Variants in ZNF578 observed in about 807,000 individuals in gnomAD.
The protein encoded by ZNF578 is zinc finger protein 578.
Under a neutral mutation model 8.3 loss-of-function variants are expected in ZNF578, and 8 were observed. The ratio of observed to expected loss-of-function variants is 0.96; its 90% CI spans 0.56 to 1.74. ZNF578 has a LOEUF of 1.74. Among genes scored for constraint, ZNF578 ranks in the 40% most tolerant of loss-of-function variants. ZNF578 has a pLI of 0.00. For missense variants in ZNF578, 726 were observed against 707.5 expected (o/e 1.03, Z -0.30); for synonymous variants, 206 against 232.2 (o/e 0.89, Z 1.03).
chr19:52,482,288 C>A (rs1421544717), intron 2 of ZNF578, among the ~76,000 whole-genome samples: 1 of 152,162 alleles, frequency 6.6e-6, no homozygotes, highest in Non-Finnish European at 1.5e-5. Context: ...CCCACCTGGG[C>A]CTCCCAAAGT....
intron 2 of ZNF578, among the ~76,000 whole-genome samples, chr19:52,486,143 A>C (rs2059344753): frequency 6.6e-6 from 1 of 152,228 alleles, no homozygotes; most frequent in African/African-American, 2.4e-5. Context: ...TGCGGGCAGC[A>C]ATACTGCTCT....
At chr19:52,497,831 T>A (rs897952) in intron 3 of ZNF578, among the ~76,000 whole-genome samples, 88 of 152,306 alleles carry the variant, frequency 5.8e-4, no homozygotes, top group African/African-American at 1.9e-3. Context: ...AAAAAATGGT[T>A]ATCTGTGAGC....
At chr19:52,456,308 C>T (rs906339705) in intron 1 of ZNF578, 1 of 152,164 alleles carries the variant, frequency 6.6e-6, no homozygotes, top group Non-Finnish European at 1.5e-5. Context: ...GGGCTTGCTC[C>T]CTCTGAGTTT....
chr19:52,465,281 C>T (rs576751122), intron 2 of ZNF578, among the ~76,000 whole-genome samples: 1 of 152,168 alleles, frequency 6.6e-6, no homozygotes, highest in Non-Finnish European at 1.5e-5. Context: ...CTCCCTCCCC[C>T]ACCACTCACT....
chr19:52,467,893 T>G (rs1046822340), intron 2 of ZNF578, among the ~76,000 whole-genome samples: 2 of 152,206 alleles, frequency 1.3e-5, no homozygotes, highest in African/African-American at 4.8e-5. Context: ...GTTGGAATCA[T>G]TTCATGTGAT....
At position 52,511,296 on chromosome 19, in the gene ZNF578, T is replaced by A. The variant is rs754339309; in HGVS notation, c.915T>A (p.His305Gln). 2 of 1,613,984 alleles carry A rather than the reference T, an allele frequency of 1.2e-6. No homozygotes were observed. Residue 305 changes from histidine to glutamine, a missense_variant, in exon 6 of 6, where the codon CAT becomes CAA. By Grantham distance (24) the His-to-Gln change is conservative (BLOSUM62 0). Coordinates refer to ENST00000421239, the MANE Select transcript of ZNF578 (RefSeq NM_001099694.2). The stretch of plus-strand genomic sequence containing the variant: ...GTTACAAGTCATCCCTGACATGCCA[T>A]CGTAGATGTCACACTGGTGAGAAAC... ...SFSYKSSLTC[H>Q]RRCHTGEKPY...
intron 3 of ZNF578, among the ~76,000 whole-genome samples, chr19:52,498,216 A>G (rs329930): frequency 0.64 from 97,809 of 151,726 alleles, 32,802 homozygotes; most frequent in African/African-American, 0.84. Flanking sequence ...GAGTGCAGTG[A>G]CATGATCTCA....
At chr19:52,466,389 CA>C (rs909687816) in intron 2 of ZNF578, among the ~76,000 whole-genome samples, 46 of 152,170 alleles carry the variant, frequency 3.0e-4, no homozygotes, top group African/African-American at 9.7e-4. Context: ...AACATTATGG[CA>C]ATTAGGAGGC....
rs563403056 is a variant in ZNF578, at chr19:52,489,452, G to A, written c.-121-1872G>A. Among the ~76,000 whole-genome samples, 9 of 151,702 alleles carry A rather than the reference G, an allele frequency of 5.9e-5. No individual in the cohort carries two copies. In the South Asian group the frequency reaches 1.9e-3, roughly 32 times the overall value. The stretch of plus-strand genomic sequence containing the variant: ...AAAACTACAAAATTAGCTGGGTGTG[G>A]TGGCGCATGCCTGTAATCCCAGCTA... On this transcript the variant is annotated intron_variant, in intron 2 of 5. Coordinates refer to ENST00000421239, the MANE Select transcript of ZNF578 (RefSeq NM_001099694.2).
At chr19:52,463,815 T>G (rs1388703723) in intron 2 of ZNF578, among the ~76,000 whole-genome samples, 1 of 152,178 alleles carries the variant, frequency 6.6e-6, no homozygotes, top group Non-Finnish European at 1.5e-5. Flanking sequence ...GTCCCACATA[T>G]GCCATTTTCC....
intron 3 of ZNF578, among the ~76,000 whole-genome samples, chr19:52,492,044 G>T (rs776936654): frequency 6.7e-6 from 1 of 148,242 alleles, no homozygotes. Context: ...CCTCAAATCC[G>T]TTACTCCAAA....
At chr19:52,506,740 T>C (rs2059427065) in intron 5 of ZNF578, among the ~76,000 whole-genome samples, 1 of 152,222 alleles carries the variant, frequency 6.6e-6, no homozygotes, top group East Asian at 1.9e-4. Flanking sequence ...GGCGCAAGCC[T>C]GGCTAATTTT....
intron 3 of ZNF578, among the ~76,000 whole-genome samples, chr19:52,500,876 A>ATTTTTTTTTTTTTTTTTTTT (rs1568464853): frequency 1.1e-5 from 1 of 90,616 alleles, no homozygotes. Flanking sequence ...GTTTTGTGTG[A>ATTTTTTTTTTTTTTTTTTTT]CTTTTTTTTT....
chr19:52,498,710 G>T (rs1238143878), intron 3 of ZNF578, among the ~76,000 whole-genome samples: 1 of 64,468 alleles, frequency 1.6e-5, no homozygotes, highest in Admixed American at 1.5e-4. Flanking sequence ...TTGTAAGACA[G>T]AGTGTCACCC....
At chr19:52,465,784 G>C (rs2059273034) in intron 2 of ZNF578, among the ~76,000 whole-genome samples, 2 of 152,178 alleles carry the variant, frequency 1.3e-5, no homozygotes, top group African/African-American at 4.8e-5. Flanking sequence ...TGTGTCCCTG[G>C]CTTTCTCTGA....
intron 2 of ZNF578, among the ~76,000 whole-genome samples, chr19:52,478,092 G>A (rs1673913): frequency 0.1 from 15,676 of 152,144 alleles, 1,391 homozygotes; most frequent in East Asian, 0.33. Context: ...CAGCAGCACG[G>A]TTCTGTCTAG....
At chr19:52,504,889 T>TTGATTGTG in intron 5 of ZNF578, 108 bp downstream of exon 5, 3 of 1,556,948 alleles carry the variant, frequency 1.9e-6, no homozygotes, top group Non-Finnish European at 2.6e-6. Context: ...GTTTTTTTGT[T>TTGATTGTG]TGATTGTTTG....
chr19:52,472,030 T>G (rs893574597), intron 2 of ZNF578, among the ~76,000 whole-genome samples: 2 of 152,222 alleles, frequency 1.3e-5, no homozygotes, highest in African/African-American at 4.8e-5. Context: ...ATTGGTATAC[T>G]TCATATAAAT....
At chr19:52,458,484 T>TATATATATATATATA (rs1167339096) in intron 2 of ZNF578, 1 of 11,598 alleles carries the variant, frequency 8.6e-5, no homozygotes, top group South Asian at 1.6e-3. Flanking sequence ...ATATATATAT[T>TATATATATATATATA]TTGAAAATCT....
Sources: gnomAD v4.1 joint callset for allele counts (sites outside exome capture counted in the v4.1 genomes callset) on GRCh38, gnomAD v4.1.1 for gene constraint, MANE v1.5 for transcripts, NCBI Gene and HGNC (gene_info 2026-07-23, HGNC 2026-07-21) for gene names.